The following CACUL1 variants were observed in gnomAD, a reference collection of about 807,000 sequenced individuals.
CACUL1 encodes the protein CDK2-associated and cullin domain-containing protein 1.
A neutral mutation model predicts 45.2 loss-of-function variants in CACUL1; 13 were observed. That is an observed-to-expected ratio of 0.29 (90% CI 0.19 to 0.46). CACUL1 has a LOEUF of 0.46. Ranked by LOEUF, CACUL1 falls within the 20% of genes least tolerant of loss-of-function variation. CACUL1 has a pLI of 1.00. For synonymous variants in CACUL1, 197 were observed against 174.2 expected (o/e 1.13, Z -1.03); for missense variants, 421 against 471.4 (o/e 0.89, Z 0.99).
At chr10:118,693,671 G>GA (rs892328864) in intron 6 of CACUL1, 22 of 451,592 alleles carry the variant, frequency 4.9e-5, no homozygotes, top group Middle Eastern at 6.6e-4. Context: ...GCTTTCAAAG[G>GA]AAAAAAAATC....
At chr10:118,695,564 A>G (rs935986435) in intron 5 of CACUL1, among the ~76,000 whole-genome samples, 1 of 152,220 alleles carries the variant, frequency 6.6e-6, no homozygotes, top group South Asian at 2.1e-4. Context: ...TGGAGAATAA[A>G]GTATCATATG....
At chr10:118,704,522 C>A (rs752834043) in intron 4 of CACUL1, among the ~76,000 whole-genome samples, 48 of 152,348 alleles carry the variant, frequency 3.2e-4, no homozygotes, top group Admixed American at 1.4e-3. Flanking sequence ...AAGCTACAGG[C>A]AAATCCTTGG....
intron 1 of CACUL1, among the ~76,000 whole-genome samples, chr10:118,746,915 C>A (rs1250978683): frequency 6.6e-6 from 1 of 152,232 alleles, no homozygotes; most frequent in Non-Finnish European, 1.5e-5. Context: ...CAACCCCAGG[C>A]CACAGGAACC....
Position 118,729,305 on chromosome 10 carries a change from T to G in CACUL1, c.587A>C (p.Lys196Thr). 6.2e-7 allele frequency: 1 copy of G among 1,612,444 alleles called. No individual in the cohort carries two copies. Among genetic ancestry groups the G allele is most frequent in the South Asian group, 1.1e-5 (1 of 91,002 alleles). The stretch of plus-strand genomic sequence containing the variant: ...CAATCAGTTCTTTACCTGCAGCTCC[T>G]TTGAGACTCTCTCTAAGTGATTAGT... Reference protein sequence around the residue: ...KITNHLERVSKELQASPPDLY... With the variant: ...KITNHLERVSTELQASPPDLY... Residue 196 changes from lysine (K) to threonine (T), a missense_variant, in exon 3 of 9, where the codon AAG becomes ACG. By Grantham distance (78) the Lys-to-Thr change is moderately conservative. This residue lies in a region of CACUL1 where 208 missense variants were observed against 298.4 expected (regional missense o/e 0.70). Coordinates refer to ENST00000369151, the MANE Select transcript of CACUL1 (RefSeq NM_153810.5).
intron 1 of CACUL1, among the ~76,000 whole-genome samples, chr10:118,745,797 A>G (rs1004650515): frequency 1.3e-5 from 2 of 152,078 alleles, no homozygotes; most frequent in African/African-American, 2.4e-5. Flanking sequence ...TAAAAGATAC[A>G]TTATGCAAAC....
intron 3 of CACUL1, among the ~76,000 whole-genome samples, chr10:118,723,796 G>A (rs1459913831): frequency 1.3e-5 from 2 of 151,998 alleles, no homozygotes; most frequent in Admixed American, 1.3e-4. Flanking sequence ...CTTTTTGGGA[G>A]ACGGAATCTC....
rs59742595 is a variant in CACUL1 at position 118,738,915 on chromosome 10, A to AAAAAAAAAAAAAT, written c.368-8506_368-8505insATTTTTTTTTTTT. Among the ~76,000 whole-genome samples, 110 of 147,600 alleles carry AAAAAAAAAAAAAT rather than the reference A, an allele frequency of 7.5e-4. 1 individual carries two copies. Among genetic ancestry groups the AAAAAAAAAAAAAT allele is most frequent in the African/African-American group, 2.8e-3 (109 of 39,146 alleles). ...CTTAAAAAAAAAAAAAAAAAAAAAA[A>AAAAAAAAAAAAAT]GCCTGGGCGCTGTGGTTCACGCCTG... On this transcript the variant is annotated intron_variant, in intron 1 of 8. Coordinates refer to ENST00000369151, the MANE Select transcript of CACUL1 (RefSeq NM_153810.5).
At chr10:118,691,135 T>C (rs1413986831) in intron 7 of CACUL1, 130 bp downstream of exon 7, 2 of 755,030 alleles carry the variant, frequency 2.6e-6, no homozygotes, top group South Asian at 3.6e-5. Context: ...AGCTAATGTC[T>C]TCTTGCAGCA....
chr10:118,704,063 C>A (rs1845410240), intron 4 of CACUL1, among the ~76,000 whole-genome samples: 1 of 151,706 alleles, frequency 6.6e-6, no homozygotes, highest in South Asian at 2.1e-4. Flanking sequence ...GCCTGGGTGA[C>A]AGAGCGAGAC....
In CACUL1 at chr10:118,679,092, G is replaced by C. The variant is rs1226647767; in HGVS notation, c.*7036C>G. The C allele has an allele frequency of 1.3e-5, 2 of 152,100 alleles. No homozygotes were observed. The highest frequency in any genetic ancestry group is 2.9e-5 in the Non-Finnish European group (2 of 68,038). 9.4% of individuals were successfully genotyped at this position (152,100 alleles called of 1,614,324 possible). A position where few individuals can be genotyped will look rare whatever the true frequency, so the allele number is the denominator to read the frequency against. On this transcript the variant is annotated 3_prime_UTR_variant, in exon 9 of 9. Transcript: ENST00000369151. Reference sequence around the variant, plus strand: ...TCTGTTATCCTAGCTGAAATGCAGTGGTATCATCATAGCTCAATGCAGCCT... The same window carrying C: ...TCTGTTATCCTAGCTGAAATGCAGTCGTATCATCATAGCTCAATGCAGCCT...
chr10:118,729,283 T>G lies in CACUL1; in HGVS notation c.597+12A>C, dbSNP rs1036586798. Reference sequence around the variant, plus strand: ...CCCAAGGAAGCAAAAATCAATACAATCAGTTCTTTACCTGCAGCTCCTTTG... The same window carrying G: ...CCCAAGGAAGCAAAAATCAATACAAGCAGTTCTTTACCTGCAGCTCCTTTG... On this transcript the variant is annotated intron_variant, in intron 3 of 8. Transcript: ENST00000369151. 6.3e-7 allele frequency: 1 copy of G among 1,594,854 alleles called. No homozygotes were observed. Among genetic ancestry groups the G allele is most frequent in the Admixed American group, 1.7e-5 (1 of 59,786 alleles).
At chr10:118,705,570 G>A (rs1178222225) in intron 4 of CACUL1, among the ~76,000 whole-genome samples, 1 of 152,074 alleles carries the variant, frequency 6.6e-6, no homozygotes, top group Non-Finnish European at 1.5e-5. Context: ...TTTGTCTCAG[G>A]TACAGTAATG....
intron 1 of CACUL1, among the ~76,000 whole-genome samples, 171 bp downstream of exon 1, chr10:118,754,225 A>AG (rs906016786): frequency 9.3e-5 from 14 of 149,842 alleles, no homozygotes; most frequent in African/African-American, 3.2e-4. Flanking sequence ...ACACCAAATG[A>AG]GGGGGAGGGG....
chr10:118,732,063 C>T (rs1845702214), intron 1 of CACUL1, among the ~76,000 whole-genome samples: 1 of 152,102 alleles, frequency 6.6e-6, no homozygotes, highest in East Asian at 1.9e-4. Context: ...AAGACTTTGA[C>T]TTTTACTCTA....
At chr10:118,693,403 G>A in intron 6 of CACUL1, 1 of 163,524 alleles carries the variant, frequency 6.1e-6, no homozygotes, top group Non-Finnish European at 1.3e-5. Flanking sequence ...AATGTGCAGG[G>A]CAGCAAAAGG....
In CACUL1 at chr10:118,682,606, C is replaced by T. The variant is rs1845164480; in HGVS notation, c.*3522G>A. 1 of 152,668 alleles carries T rather than the reference C, an allele frequency of 6.6e-6. No individual in the cohort carries two copies. Among genetic ancestry groups the T allele is most frequent in the African/African-American group, 2.4e-5 (1 of 41,464 alleles). The allele number at this position is 152,668 out of a possible 1,614,324, so 9.5% of individuals were successfully genotyped here. ...GTACAGACCACCACTCGGAAGTTAT[C>T]CTTTTGTGCTGAAAAACGTTCAAAT... On this transcript the variant is annotated 3_prime_UTR_variant, in exon 9 of 9. Transcript: ENST00000369151.
At chr10:118,717,201 C>T (rs1240570178) in intron 3 of CACUL1, among the ~76,000 whole-genome samples, 2 of 152,154 alleles carry the variant, frequency 1.3e-5, no homozygotes, top group East Asian at 3.8e-4. Context: ...GAGAGGAGCT[C>T]TACAGGAAGG....
intron 7 of CACUL1, among the ~76,000 whole-genome samples, chr10:118,688,578 C>A (rs1387091109): frequency 6.6e-6 from 1 of 152,126 alleles, no homozygotes; most frequent in Non-Finnish European, 1.5e-5. Flanking sequence ...GTCCGGAACG[C>A]TCTCTCAAAA....
Position 118,685,133 on chromosome 10 carries a change from C to T in CACUL1, c.*995G>A, listed in dbSNP as rs1028175740. Reference sequence around the variant, plus strand: ...AATGAAGTGATCAGGAACCCCACACCACTGTGTATTTGGACTTAATAACTG... The same window carrying T: ...AATGAAGTGATCAGGAACCCCACACTACTGTGTATTTGGACTTAATAACTG... On this transcript the variant is annotated 3_prime_UTR_variant, in exon 9 of 9. Transcript: ENST00000369151. 2.6e-5 allele frequency: 4 copies of T among 152,278 alleles called. No homozygotes were observed. Among genetic ancestry groups the T allele is most frequent in the Middle Eastern group, 3.4e-3 (1 of 294 alleles). 9.4% of individuals were successfully genotyped at this position (152,278 alleles called of 1,614,324 possible). A position where few individuals can be genotyped will look rare whatever the true frequency, so the allele number is the denominator to read the frequency against.
Sources: gnomAD v4.1 joint callset for allele counts (sites outside exome capture counted in the v4.1 genomes callset) on GRCh38, gnomAD v4.1.1 for gene constraint, gnomAD v4.1.1 regional missense constraint, MANE v1.5 for transcripts, NCBI Gene and HGNC (gene_info 2026-07-23, HGNC 2026-07-21) for gene names.